Variants in INO80 observed in about 807,000 individuals in gnomAD.
INO80 encodes INO80 complex ATPase subunit.
A neutral mutation model predicts 203.4 loss-of-function variants in INO80; 20 were observed. The ratio of observed to expected loss-of-function variants is 0.10; its 90% CI spans 0.07 to 0.14. The LOEUF (loss-of-function observed/expected upper bound fraction) is 0.14, where lower values mean the gene tolerates loss of function less well. Among genes scored for constraint, INO80 ranks in the 10% least tolerant of loss-of-function variants. INO80 has a pLI of 1.00. For synonymous variants in INO80, 726 were observed against 685.2 expected, an observed-to-expected ratio of 1.06 and a Z score of -0.93; for missense variants, 1,419 against 1,914.4, an observed-to-expected ratio of 0.74 and a Z score of 4.83.
chr15:41,007,773 A>AAAC (rs1339589854), intron 27 of INO80, among the ~76,000 whole-genome samples: 3 of 151,626 alleles, frequency 2.0e-5, no homozygotes, highest in Non-Finnish European at 2.9e-5. Context: ...TTCAAAAAAA[A>AAAC]AAAAAACAAG....
chr15:40,984,482 C>T (rs1288737239), intron 32 of INO80, 130 bp from the exon 33 acceptor site: 24 of 829,352 alleles, frequency 2.9e-5, no homozygotes, highest in South Asian at 7.4e-5. Flanking sequence ...CATATTTTTA[C>T]GGAAGAAAAA....
At position 40,982,789 on chromosome 15, in the gene INO80, TCTAC is replaced by T; in HGVS notation, c.4453+69_4453+72del. ...CCCGGCTTCAGGGTTTCCTACATGT[TCTAC>T]CTGACTGACAGAATTTCTAGACTGT... On this transcript the variant is annotated intron_variant, in intron 35 of 35. Coordinates refer to ENST00000648947, the MANE Select transcript of INO80 (RefSeq NM_017553.3). The T allele has an allele frequency of 3.2e-6, 4 of 1,269,514 alleles. No homozygotes were observed. The South Asian group carries it at 5.4e-5, about 17-fold the overall frequency. The allele number at this position is 1,269,514 out of a possible 1,614,324, so 78.6% of individuals were successfully genotyped here.
At chr15:40,982,458 T>C (rs1358789356) in intron 35 of INO80, among the ~76,000 whole-genome samples, 2 of 152,214 alleles carry the variant, frequency 1.3e-5, no homozygotes, top group Admixed American at 6.5e-5. Context: ...CCATGTGGTA[T>C]ACGCCTATGC....
intron 19 of INO80, among the ~76,000 whole-genome samples, chr15:41,051,830 C>T (rs1367628247): frequency 6.6e-6 from 1 of 152,034 alleles, no homozygotes; most frequent in Non-Finnish European, 1.5e-5. Flanking sequence ...TAGTGGTACA[C>T]ACCTGTAGTC....
chr15:40,982,168 A>C (rs145317471), intron 35 of INO80, among the ~76,000 whole-genome samples: 1 of 152,166 alleles, frequency 6.6e-6, no homozygotes, highest in African/African-American at 2.4e-5. Flanking sequence ...TTAGTTTTTG[A>C]GAGAGTCTTG....
At chr15:41,058,562 TG>T in intron 16 of INO80, 76 bp downstream of exon 16, 1 of 1,032,216 alleles carries the variant, frequency 9.7e-7, no homozygotes, top group Non-Finnish European at 1.4e-6. Flanking sequence ...TGTGTGTGTG[TG>T]TGTGTGCGTG....
intron 31 of INO80, 87 bp from the exon 32 acceptor site, chr15:40,985,513 A>C: frequency 1.0e-6 from 1 of 954,396 alleles, no homozygotes; most frequent in Non-Finnish European, 1.7e-6. Context: ...ATATCCCCTG[A>C]TGTTTATTTT....
At chr15:41,092,287 G>C in intron 4 of INO80, 105 bp from the exon 5 acceptor site, 1 of 810,498 alleles carries the variant, frequency 1.2e-6, no homozygotes, top group East Asian at 2.7e-5. Flanking sequence ...ACAGCAGAAA[G>C]ATAGTCACTC....
rs548238799 is a variant in INO80 at position 41,050,394 on chromosome 15, A to G, written c.2275-292T>C. 1.2e-4 allele frequency among the ~76,000 whole-genome samples: 18 copies of G among 152,334 alleles called. No homozygotes were observed. The South Asian group carries it at 3.1e-3, about 26-fold the overall frequency. ...AACATACAAAAGTACATTCCCAAACATAACCCAGGCCAGTACCTGCAACTA... is the reference window on the plus strand; with the variant it reads ...AACATACAAAAGTACATTCCCAAACGTAACCCAGGCCAGTACCTGCAACTA... On this transcript the variant is annotated intron_variant, in intron 19 of 35. Transcript: ENST00000648947.
At position 41,116,013 on chromosome 15, in the gene INO80, G is replaced by C. The variant is rs565649922; in HGVS notation, c.-84C>G. The C allele has an allele frequency of 2.6e-5, 10 of 391,366 alleles. No individual in the cohort carries two copies. The highest frequency in any genetic ancestry group is 4.5e-5 in the Non-Finnish European group (10 of 221,344). The allele number at this position is 391,366 out of a possible 1,614,324, so 24.2% of individuals were successfully genotyped here. A position where few individuals can be genotyped will look rare whatever the true frequency, so the allele number is the denominator to read the frequency against. On this transcript the variant is annotated 5_prime_UTR_variant, in exon 1 of 36. Coordinates refer to ENST00000648947, the MANE Select transcript of INO80 (RefSeq NM_017553.3). Reference sequence around the variant, plus strand: ...CCCGCCGCCGCGACGGCGGCGGAGGGGGGGCGGGGTGCGGGCGGGGTCCGG... The same window carrying C: ...CCCGCCGCCGCGACGGCGGCGGAGGCGGGGCGGGGTGCGGGCGGGGTCCGG...
chr15:41,084,457 G>T (rs1245729340), intron 7 of INO80, among the ~76,000 whole-genome samples: 1 of 152,124 alleles, frequency 6.6e-6, no homozygotes, highest in African/African-American at 2.4e-5. Context: ...TACTTGGAAG[G>T]CTAAGGAAGG....
chr15:41,053,219 C>T (rs1161206310), intron 19 of INO80, among the ~76,000 whole-genome samples: 1 of 152,170 alleles, frequency 6.6e-6, no homozygotes, highest in Non-Finnish European at 1.5e-5. Context: ...CATTCTCCTG[C>T]CTCAGCCTCC....
Position 41,027,716 on chromosome 15 carries a change from G to A in INO80, c.2928C>T (p.His976=). 3 of 1,597,178 alleles carry A rather than the reference G, an allele frequency of 1.9e-6. No individual in the cohort carries two copies. Among genetic ancestry groups the A allele is most frequent in the Non-Finnish European group, 2.6e-6 (3 of 1,170,682 alleles). The change falls in exon 25 of 36, where the codon CAC becomes CAT. Residue 976 remains histidine, a synonymous_variant. Coordinates refer to ENST00000648947, the MANE Select transcript of INO80 (RefSeq NM_017553.3). ...PLLKSLVFSS[H]CKAVSGYSDQ... is the part of the protein sequence containing the mutation. Reference sequence around the variant, plus strand: ...CTGAGTAGCCACTCACTGCTTTACAGTGGCTGCTGAAAACAAGAGACTGCA... The same window carrying A: ...CTGAGTAGCCACTCACTGCTTTACAATGGCTGCTGAAAACAAGAGACTGCA...
At chr15:41,065,065 A>G (rs964689108) in intron 14 of INO80, among the ~76,000 whole-genome samples, 4 of 152,314 alleles carry the variant, frequency 2.6e-5, no homozygotes, top group Admixed American at 6.5e-5. Context: ...TCAACTTTGT[A>G]TGTCACATTC....
At chr15:40,982,793 C>G in intron 35 of INO80, 69 bp downstream of exon 35, 2 of 1,311,300 alleles carry the variant, frequency 1.5e-6, no homozygotes, top group Non-Finnish European at 2.1e-6. Flanking sequence ...ACATGTTCTA[C>G]CTGACTGACA....
At chr15:41,104,312 T>C (rs1029117821) in intron 1 of INO80, among the ~76,000 whole-genome samples, 5 of 152,130 alleles carry the variant, frequency 3.3e-5, no homozygotes, top group Non-Finnish European at 5.9e-5. Flanking sequence ...AATATGTTTT[T>C]GGAACAATTC....
In INO80 at chr15:41,059,722, G is replaced by C. The variant is rs185580239; in HGVS notation, c.1842+145C>G. On this transcript the variant is annotated intron_variant, in intron 15 of 35. Coordinates refer to ENST00000648947, the MANE Select transcript of INO80 (RefSeq NM_017553.3). ...GATTGCCTACAACAGGAAAAGTATTGTATCAGAAAAATGGAAACTTGATCA... is the reference window on the plus strand; with the variant it reads ...GATTGCCTACAACAGGAAAAGTATTCTATCAGAAAAATGGAAACTTGATCA... 10 of 544,648 alleles carry C rather than the reference G, an allele frequency of 1.8e-5. No individual in the cohort carries two copies. The Admixed American group carries it at 3.3e-4, about 18-fold the overall frequency. The allele number at this position is 544,648 out of a possible 1,614,324, so 33.7% of individuals were successfully genotyped here.
chr15:40,998,291 G>A (rs2043908841), intron 28 of INO80, among the ~76,000 whole-genome samples: 1 of 151,944 alleles, frequency 6.6e-6, no homozygotes, highest in African/African-American at 2.4e-5. Flanking sequence ...AAAGTGCTGG[G>A]ATTATAGACG....
intron 1 of INO80, among the ~76,000 whole-genome samples, chr15:41,114,756 G>A (rs1206340057): frequency 2.0e-5 from 3 of 151,194 alleles, no homozygotes; most frequent in African/African-American, 7.3e-5. Context: ...GCTACAACAC[G>A]GATGAACCTT....
Sources: gnomAD v4.1 joint callset for allele counts (sites outside exome capture counted in the v4.1 genomes callset) on GRCh38, gnomAD v4.1.1 for gene constraint, MANE v1.5 for transcripts, NCBI Gene and HGNC (gene_info 2026-07-23, HGNC 2026-07-21) for gene names.